The following SEC23B variants were observed in gnomAD, a reference collection of about 807,000 sequenced individuals.
SEC23B encodes SEC23 homolog B, COPII component, also known as protein transport protein Sec23B.
SEC23B carries 77 observed loss-of-function variants against 104.3 expected under a neutral mutation model. The observed-to-expected ratio is 0.74, with a 90% CI of 0.61 to 0.89. SEC23B has a LOEUF of 0.89. Ranked by LOEUF, SEC23B falls within the 40% of genes least tolerant of loss-of-function variation. SEC23B has a pLI of 0.00. For synonymous variants in SEC23B, 338 were observed against 332.5 expected, an observed-to-expected ratio of 1.02 and a Z score of -0.18; for missense variants, 885 against 949.4, an observed-to-expected ratio of 0.93 and a Z score of 0.89.
rs1261257001 is a variant in SEC23B at position 18,524,686 on chromosome 20, T to C, written c.603+17T>C. The C allele has an allele frequency of 1.9e-6, 3 of 1,595,186 alleles. No individual in the cohort carries two copies. The highest frequency in any genetic ancestry group is 2.6e-6 in the Non-Finnish European group (3 of 1,164,018). On this transcript the variant is annotated intron_variant, in intron 5 of 19. Coordinates refer to ENST00000650089, the MANE Select transcript of SEC23B (RefSeq NM_006363.6). Reference sequence around the variant, plus strand: ...CAAATACAGGTTTGTACCTTACTTGTACAGGAGCAGAAACAAGGACTTTTT... The same window carrying C: ...CAAATACAGGTTTGTACCTTACTTGCACAGGAGCAGAAACAAGGACTTTTT...
At chr20:18,545,893 A>G in intron 14 of SEC23B, 63 bp from the exon 15 acceptor site, 1 of 966,166 alleles carries the variant, frequency 1.0e-6, no homozygotes, top group South Asian at 1.3e-5. Flanking sequence ...GGTAATGCTA[A>G]CTTAGATTTT....
chr20:18,530,937 C>T, intron 10 of SEC23B, 134 bp downstream of exon 10: 1 of 667,220 alleles, frequency 1.5e-6, no homozygotes, highest in South Asian at 1.8e-5. Context: ...GCCACTGTAC[C>T]TGGCCATACT....
chr20:18,550,739 C>CA (rs2060379733), intron 16 of SEC23B, among the ~76,000 whole-genome samples: 1 of 151,924 alleles, frequency 6.6e-6, no homozygotes, highest in Non-Finnish European at 1.5e-5. Flanking sequence ...GTGGGAGGGT[C>CA]ACTTGAGCCC....
intron 11 of SEC23B, among the ~76,000 whole-genome samples, chr20:18,533,155 A>G (rs1362780870): frequency 6.6e-6 from 1 of 152,216 alleles, no homozygotes; most frequent in East Asian, 1.9e-4. Flanking sequence ...TCAGCTAATA[A>G]CAAGCCTTTT....
intron 1 of SEC23B, chr20:18,509,563 T>C (rs2148883076): frequency 6.6e-6 from 1 of 152,284 alleles, no homozygotes; most frequent in East Asian, 1.9e-4. Context: ...TTTGAGAGTT[T>C]AGCCTGTAGG....
At chr20:18,537,677 G>T (rs1263736455) in intron 12 of SEC23B, among the ~76,000 whole-genome samples, 1 of 151,950 alleles carries the variant, frequency 6.6e-6, no homozygotes, top group Non-Finnish European at 1.5e-5. Flanking sequence ...CATGGCACAT[G>T]TATACATATG....
At chr20:18,560,409 G>A (rs1367601195) in intron 19 of SEC23B, among the ~76,000 whole-genome samples, 4 of 152,248 alleles carry the variant, frequency 2.6e-5, no homozygotes, top group African/African-American at 7.2e-5. Context: ...AAAGTAAAAC[G>A]CCTGATGCTC....
At chr20:18,530,499 T>G (rs1467583218) in intron 9 of SEC23B, among the ~76,000 whole-genome samples, 181 bp from the exon 10 acceptor site, 1 of 152,192 alleles carries the variant, frequency 6.6e-6, no homozygotes, top group Non-Finnish European at 1.5e-5. Context: ...CCTCCCAAAG[T>G]GCTGGGATTA....
chr20:18,550,013 A>C (rs148379364), intron 16 of SEC23B, among the ~76,000 whole-genome samples: 1,624 of 148,724 alleles, frequency 0.011, 33 homozygotes, highest in African/African-American at 0.038. Flanking sequence ...CATATATAAA[A>C]ATTATATGTG....
Position 18,512,149 on chromosome 20 carries a change from C to T in SEC23B, c.222-76C>T. 3.3e-6 allele frequency: 3 copies of T among 902,274 alleles called. No homozygotes were observed. The South Asian group carries it at 4.8e-5, about 15-fold the overall frequency. 55.9% of individuals were successfully genotyped at this position (902,274 alleles called of 1,614,324 possible). ...TGAACTTGAAATTTACAAATGAACGCTTTCTACCTTAAAAATAAAAATTTT... is the reference window on the plus strand; with the variant it reads ...TGAACTTGAAATTTACAAATGAACGTTTTCTACCTTAAAAATAAAAATTTT... On this transcript the variant is annotated intron_variant, in intron 2 of 19. Transcript: ENST00000650089.
intron 1 of SEC23B, chr20:18,510,036 G>C (rs1258338222): frequency 2.0e-5 from 3 of 152,212 alleles, no homozygotes; most frequent in African/African-American, 7.2e-5. Context: ...TTGAAGATCA[G>C]TATCCAGCTC....
At position 18,545,946 on chromosome 20, in the gene SEC23B, C is replaced by G. The variant is rs1010904682; in HGVS notation, c.1666-10C>G. ...GTGTTTGTTTGTTTTTTGGTATTTT[C>G]TTTCCATAGTGTCAAAAGTTTGGAC... is the stretch of plus-strand genomic sequence containing the variant. On this transcript the variant is annotated splice_polypyrimidine_tract_variant and intron_variant, in intron 14 of 19. Transcript: ENST00000650089. The G allele has an allele frequency of 6.7e-7, 1 of 1,500,968 alleles. No individual in the cohort carries two copies. Among genetic ancestry groups the G allele is most frequent in the Admixed American group, 1.7e-5 (1 of 59,858 alleles). The allele number at this position is 1,500,968 out of a possible 1,614,324, so 93.0% of individuals were successfully genotyped here.
intron 1 of SEC23B, among the ~76,000 whole-genome samples, chr20:18,509,416 A>C (rs766754520): frequency 2.0e-5 from 3 of 152,040 alleles, no homozygotes; most frequent in Non-Finnish European, 4.4e-5. Flanking sequence ...AATTTGATAG[A>C]CTCTTTAATT....
intron 8 of SEC23B, 57 bp downstream of exon 8, chr20:18,526,588 G>A: frequency 6.3e-7 from 1 of 1,576,840 alleles, no homozygotes; most frequent in Non-Finnish European, 8.7e-7. Flanking sequence ...GGTTTGGGCT[G>A]CTCTGGAGTG....
chr20:18,553,757 G>A (rs1291357990), intron 17 of SEC23B, among the ~76,000 whole-genome samples: 5 of 152,184 alleles, frequency 3.3e-5, no homozygotes, highest in African/African-American at 1.2e-4. Flanking sequence ...GGGGATGGGG[G>A]TGAGACAATT....
At chr20:18,539,581 GCCACCTT>G (rs949688286) in intron 12 of SEC23B, among the ~76,000 whole-genome samples, 2 of 148,730 alleles carry the variant, frequency 1.3e-5, no homozygotes, top group Non-Finnish European at 3.0e-5. Flanking sequence ...CTGGGCTTAA[GCCACCTT>G]GGCCTCCCAA....
rs941863220 is a variant in SEC23B, at chr20:18,535,657, T to C, written c.1319T>C (p.Leu440Pro). The C allele has an allele frequency of 6.2e-7, 1 of 1,613,910 alleles. No individual in the cohort carries two copies. The highest frequency in any genetic ancestry group is 1.1e-5 in the South Asian group (1 of 91,068). ...VKGPCVSENELGVGGTSQWKI... is the reference protein window; with the variant it reads ...VKGPCVSENEPGVGGTSQWKI... ...AATTCCTCTTCCCACCCCCAGGAGC[T>C]TGGTGTTGGTGGCACGAGTCAGTGG... The change falls in exon 12 of 20, where the codon CTT (leucine) becomes CCT (proline). Residue 440 changes from leucine (L) to proline (P), a missense_variant. Physicochemically the swap from Leu to Pro is moderately conservative, Grantham distance 98. Coordinates refer to ENST00000650089, the MANE Select transcript of SEC23B (RefSeq NM_006363.6).
At chr20:18,518,162 G>T (rs925339519) in intron 4 of SEC23B, among the ~76,000 whole-genome samples, 1 of 152,274 alleles carries the variant, frequency 6.6e-6, no homozygotes, top group African/African-American at 2.4e-5. Context: ...GTCCGTTATC[G>T]GACTGTATAG....
intron 11 of SEC23B, among the ~76,000 whole-genome samples, chr20:18,533,952 A>G (rs2060207347): frequency 2.6e-5 from 4 of 152,236 alleles, no homozygotes; most frequent in Admixed American, 2.6e-4. Flanking sequence ...TAATATTTCT[A>G]GTAGAATTCA....
Sources: allele counts gnomAD v4.1 joint callset (sites outside exome capture counted in the v4.1 genomes callset), GRCh38; gene constraint gnomAD v4.1.1; transcripts MANE v1.5; gene names NCBI Gene and HGNC (gene_info 2026-07-23, HGNC 2026-07-21).